Variants in MMRN2 observed in about 807,000 individuals in gnomAD.
MMRN2 encodes the protein multimerin 2.
A neutral mutation model predicts 68.8 loss-of-function variants in MMRN2; 53 were observed. The ratio of observed to expected loss-of-function variants is 0.77; its 90% CI spans 0.62 to 0.97. The LOEUF (loss-of-function observed/expected upper bound fraction) is 0.97. MMRN2 is among the 50% of genes least tolerant of loss of function. The pLI, the probability that MMRN2 is intolerant of heterozygous loss-of-function variation, is 0.00. For missense variants in MMRN2, 1,266 were observed against 1,259.5 expected, an observed-to-expected ratio of 1.01 and a Z score of -0.08; for synonymous variants, 564 against 551.6, an observed-to-expected ratio of 1.02 and a Z score of -0.32.
intron 6 of MMRN2, among the ~76,000 whole-genome samples, chr10:86,938,474 ACAGC>A (rs944773976): frequency 2.0e-5 from 3 of 152,214 alleles, no homozygotes; most frequent in East Asian, 1.9e-4. Context: ...GGGTGTACAA[ACAGC>A]CAGGAAGAAG....
chr10:86,938,288 G>T (rs770969120), intron 6 of MMRN2, among the ~76,000 whole-genome samples: 11 of 152,190 alleles, frequency 7.2e-5, no homozygotes, highest in Non-Finnish European at 1.5e-4. Context: ...AAAGCTTATT[G>T]CTCCAGACCA....
chr10:86,951,285 T>A (rs922087290), intron 1 of MMRN2, among the ~76,000 whole-genome samples: 6 of 152,168 alleles, frequency 3.9e-5, no homozygotes, highest in African/African-American at 1.4e-4. Context: ...ATCAGCAAAC[T>A]TTTTTTCTAA....
At position 86,944,022 on chromosome 10, in the gene MMRN2, G is replaced by C; in HGVS notation, c.762C>G (p.Ser254Arg). ...ACAGGTTTCTTATGGCCTGGGTAAG[G>C]CTGTGCAGGCTTTGGTTAAAGCTCC... is the stretch of plus-strand genomic sequence containing the variant. ...IWRSFNQSLH[S>R]LTQAIRNLSL... Residue 254 changes from serine to arginine, a missense_variant, in exon 6 of 7, where the codon AGC becomes AGG. By Grantham distance (110) the Ser-to-Arg change is moderately radical. Coordinates refer to ENST00000372027, the MANE Select transcript of MMRN2 (RefSeq NM_024756.3). 1 of 1,614,112 alleles carries C rather than the reference G, an allele frequency of 6.2e-7. No homozygotes were observed. The highest frequency in any genetic ancestry group is 8.5e-7 in the Non-Finnish European group (1 of 1,180,024).
At position 86,943,815 on chromosome 10, in the gene MMRN2, G is replaced by C; in HGVS notation, c.969C>G (p.His323Gln). Residue 323 changes from histidine (H) to glutamine (Q), a missense_variant, in exon 6 of 7, where the codon CAC becomes CAG. Transcript: ENST00000372027. The surrounding 1 kb of genome is among the most constrained non-coding windows in gnomAD (Gnocchi z 4.2). ...DRLHAQHFTL[H>Q]RSISELQADV... ...CGGCTTGGAGCTCTGAGATCGAGCG[G>C]TGCAGGGTAAAGTGCTGGGCGTGCA... is the stretch of plus-strand genomic sequence containing the variant. 6.2e-7 allele frequency: 1 copy of C among 1,611,216 alleles called. No homozygotes were observed. The highest frequency in any genetic ancestry group is 8.5e-7 in the Non-Finnish European group (1 of 1,180,000).
Position 86,942,633 on chromosome 10 carries a change from G to GGCCTCA in MMRN2, c.2150_2151insTGAGGC (p.Glu718_Ala719dup). On this transcript the variant is annotated inframe_insertion, in exon 6 of 7. Transcript: ENST00000372027. ...GGGAGGCGGCCCCGGCCCCGGCCTC[G>GGCCTCA]GCCTCGCAGCACCGCCCGACATTCT... The GGCCTCA allele has an allele frequency of 1.2e-6, 2 of 1,601,014 alleles. No individual in the cohort carries two copies. Among genetic ancestry groups the GGCCTCA allele is most frequent in the Non-Finnish European group, 1.7e-6 (2 of 1,179,102 alleles).
Position 86,936,192 on chromosome 10 carries a change from C to T in MMRN2, c.*551G>A, listed in dbSNP as rs1843875703. 2 of 388,424 alleles carry T rather than the reference C, an allele frequency of 5.1e-6. No individual in the cohort carries two copies. Among genetic ancestry groups the T allele is most frequent in the Non-Finnish European group, 9.1e-6 (2 of 220,386 alleles). The allele number at this position is 388,424 out of a possible 1,614,324, so 24.1% of individuals were successfully genotyped here. A position where few individuals can be genotyped will look rare whatever the true frequency, so the allele number is the denominator to read the frequency against. Reference sequence around the variant, plus strand: ...AAACTAAAGATACTAATTTCCTTTCCCTTGGTTGGCCAGGCTGTCGTCTTC... The same window carrying T: ...AAACTAAAGATACTAATTTCCTTTCTCTTGGTTGGCCAGGCTGTCGTCTTC... On this transcript the variant is annotated 3_prime_UTR_variant, in exon 7 of 7. Coordinates refer to ENST00000372027, the MANE Select transcript of MMRN2 (RefSeq NM_024756.3).
At position 86,936,479 on chromosome 10, in the gene MMRN2, C is replaced by G. The variant is rs1248586945; in HGVS notation, c.*264G>C. Reference sequence around the variant, plus strand: ...GTGAAGAGTTGGAGCCCAGGCCGTGCTGTCTGAGAAGGCATGCCAAGCCAA... The same window carrying G: ...GTGAAGAGTTGGAGCCCAGGCCGTGGTGTCTGAGAAGGCATGCCAAGCCAA... On this transcript the variant is annotated 3_prime_UTR_variant, in exon 7 of 7. Transcript: ENST00000372027. 1 of 553,294 alleles carries G rather than the reference C, an allele frequency of 1.8e-6. No individual in the cohort carries two copies. The highest frequency in any genetic ancestry group is 3.2e-6 in the Non-Finnish European group (1 of 312,972). 34.3% of individuals were successfully genotyped at this position (553,294 alleles called of 1,614,324 possible).
intron 1 of MMRN2, among the ~76,000 whole-genome samples, chr10:86,954,529 G>A (rs1302015469): frequency 6.6e-6 from 1 of 152,180 alleles, no homozygotes; most frequent in East Asian, 1.9e-4. Flanking sequence ...TGTGTGGAGT[G>A]CCTTCCCTTC....
At chr10:86,937,940 GTCT>G (rs10558482) in intron 6 of MMRN2, among the ~76,000 whole-genome samples, 10,142 of 152,108 alleles carry the variant, frequency 0.067, 360 homozygotes, top group Middle Eastern at 0.12. Flanking sequence ...CTTCAAGCTG[GTCT>G]TCTTTTTTTT....
rs770944123 is a variant in MMRN2, at chr10:86,943,056, G to C, written c.1728C>G (p.Gly576=). 1 of 1,388,356 alleles carries C rather than the reference G, an allele frequency of 7.2e-7. No homozygotes were observed. 86.0% of individuals were successfully genotyped at this position (1,388,356 alleles called of 1,614,324 possible). Residue 576 remains glycine, a synonymous_variant, in exon 6 of 7, where the codon GGC becomes GGG. Coordinates refer to ENST00000372027, the MANE Select transcript of MMRN2 (RefSeq NM_024756.3). The surrounding 1 kb of genome is among the most constrained non-coding windows in gnomAD (Gnocchi z 4.2). ...CCTCGGCCGCGGCCGCCTTCAGCGC[G>C]CCCACCTCGTCATCCAGCGCCTGCA... ...SQVQALDDEV[G]ALKAAAAEAR... is the part of the protein sequence containing the mutation.
chr10:86,957,552 G>A lies in MMRN2; in HGVS notation c.-11C>T. 1.2e-6 allele frequency: 2 copies of A among 1,601,848 alleles called. No individual in the cohort carries two copies. The highest frequency in any genetic ancestry group is 1.7e-6 in the Non-Finnish European group (2 of 1,174,446). On this transcript the variant is annotated 5_prime_UTR_variant, in exon 1 of 7. Transcript: ENST00000372027. ...CAAGCTCAGGATCATCTTGGTGGTG[G>A]GGCAGGCTCAGCTCACACTCAGCCT...
chr10:86,947,737 T>G (rs1042605003), intron 1 of MMRN2, among the ~76,000 whole-genome samples: 1 of 151,862 alleles, frequency 6.6e-6, no homozygotes, highest in African/African-American at 2.4e-5. Flanking sequence ...ACTGGAAAAG[T>G]TTCTCAGGAA....
At chr10:86,937,381 T>G (rs1843896422) in intron 6 of MMRN2, among the ~76,000 whole-genome samples, 1 of 151,422 alleles carries the variant, frequency 6.6e-6, no homozygotes, top group Admixed American at 6.6e-5. Context: ...ATACTTTCAT[T>G]TTTTTTTTAG....
Position 86,943,062 on chromosome 10 carries a change from C to T in MMRN2, c.1722G>A (p.Glu574=), listed in dbSNP as rs1402445944. 1.4e-6 allele frequency: 2 copies of T among 1,400,644 alleles called. No individual in the cohort carries two copies. The highest frequency in any genetic ancestry group is 1.8e-6 in the Non-Finnish European group (2 of 1,085,000). The allele number at this position is 1,400,644 out of a possible 1,614,324, so 86.8% of individuals were successfully genotyped here. The change falls in exon 6 of 7, where the codon GAG becomes GAA. Residue 574 remains glutamate (E), a synonymous_variant. Transcript: ENST00000372027. This position sits in a 1 kb window ranked among gnomAD's most constrained non-coding sequence, Gnocchi z 4.2. ...LRSQVQALDD[E]VGALKAAAAE... is the part of the protein sequence containing the mutation. ...CCGCGGCCGCCTTCAGCGCGCCCAC[C>T]TCGTCATCCAGCGCCTGCACTTGGC...
At chr10:86,955,064 G>A (rs1182278691) in intron 1 of MMRN2, among the ~76,000 whole-genome samples, 1 of 152,200 alleles carries the variant, frequency 6.6e-6, no homozygotes, top group East Asian at 1.9e-4. Context: ...TCCCCTACAC[G>A]GCCACCCTCT....
At chr10:86,953,217 G>A (rs1844168022) in intron 1 of MMRN2, among the ~76,000 whole-genome samples, 1 of 152,102 alleles carries the variant, frequency 6.6e-6, no homozygotes, top group Admixed American at 6.6e-5. Context: ...AGGGTCCTGA[G>A]GTGATGTACA....
At chr10:86,937,393 C>A (rs2133672794) in intron 6 of MMRN2, among the ~76,000 whole-genome samples, 1 of 151,714 alleles carries the variant, frequency 6.6e-6, no homozygotes, top group East Asian at 1.9e-4. Context: ...TTTTTTTAGA[C>A]AGGGACTCAC....
rs1311853972 is a variant in MMRN2, at chr10:86,935,884, C to T, written c.*859G>A. ...TTAATTGACTCACTGTTCCACATGG[C>T]TGGGGAGGCCTCAGGAAACTTACAA... On this transcript the variant is annotated 3_prime_UTR_variant, in exon 7 of 7. Transcript: ENST00000372027. The T allele has an allele frequency of 6.6e-6, 1 of 152,372 alleles. No individual in the cohort carries two copies. The highest frequency in any genetic ancestry group is 2.4e-5 in the African/African-American group (1 of 41,442). 9.4% of individuals were successfully genotyped at this position (152,372 alleles called of 1,614,324 possible).
At position 86,944,022 on chromosome 10, in the gene MMRN2, G is replaced by A; in HGVS notation, c.762C>T (p.Ser254=). Residue 254 remains serine, a synonymous_variant, in exon 6 of 7, where the codon AGC becomes AGT. Transcript: ENST00000372027. ...IWRSFNQSLH[S]LTQAIRNLSL... Reference sequence around the variant, plus strand: ...ACAGGTTTCTTATGGCCTGGGTAAGGCTGTGCAGGCTTTGGTTAAAGCTCC... The same window carrying A: ...ACAGGTTTCTTATGGCCTGGGTAAGACTGTGCAGGCTTTGGTTAAAGCTCC... 1 of 1,614,112 alleles carries A rather than the reference G, an allele frequency of 6.2e-7. No individual in the cohort carries two copies. Among genetic ancestry groups the A allele is most frequent in the East Asian group, 2.2e-5 (1 of 44,886 alleles).
Sources: gnomAD v4.1 joint callset for allele counts (sites outside exome capture counted in the v4.1 genomes callset) on GRCh38, gnomAD v4.1.1 for gene constraint, Gnocchi (gnomAD v3.1) non-coding constraint, MANE v1.5 for transcripts, NCBI Gene and HGNC (gene_info 2026-07-23, HGNC 2026-07-21) for gene names.